Variants in ERFE observed in about 807,000 individuals in gnomAD.
The protein encoded by ERFE is erythroferrone, also known as complement C1q tumor necrosis factor-related protein 15.
A neutral mutation model predicts 26.6 loss-of-function variants in ERFE; 25 were observed. The ratio of observed to expected loss-of-function variants is 0.94; its 90% confidence interval spans 0.69 to 1.31. The LOEUF is 1.31. ERFE is among the 40% of genes most tolerant of loss of function. ERFE has a pLI of 0.00. For missense variants in ERFE, 447 were observed against 440.2 expected, an observed-to-expected ratio of 1.02 and a Z score of -0.14; for synonymous variants, 206 against 204.5, an observed-to-expected ratio of 1.01 and a Z score of -0.06.
rs941282344 is a variant in ERFE, at chr2:238,163,785, G to A, written c.473G>A (p.Gly158Asp). ...ERAEPEPCTC[G>D]PAGPVAASLA... ...GCGGAGCCCGAACCCTGTACGTGTGGCCCCGCCGGGCCGGTCGCTGCGAGC... is the reference window on the plus strand; with the variant it reads ...GCGGAGCCCGAACCCTGTACGTGTGACCCCGCCGGGCCGGTCGCTGCGAGC... The change falls in exon 4 of 8, where the codon GGC (glycine) becomes GAC (aspartate). Residue 158 changes from glycine to aspartate, a missense_variant. Coordinates refer to ENST00000546354, the MANE Select transcript of ERFE (RefSeq NM_001291832.2). 13 of 1,356,144 alleles carry A rather than the reference G, an allele frequency of 9.6e-6. No homozygotes were observed. The highest frequency in any genetic ancestry group is 1.0e-5 in the Non-Finnish European group (11 of 1,058,916). The allele number at this position is 1,356,144 out of a possible 1,614,324, so 84.0% of individuals were successfully genotyped here.
chr2:238,164,880 ACCTTTCCAGGCCACTCCCTG>A, intron 6 of ERFE, among the ~76,000 whole-genome samples: 1 of 151,464 alleles, frequency 6.6e-6, no homozygotes, highest in South Asian at 2.1e-4. Flanking sequence ...ACAAAAAAAA[ACCTTTCCAGGCCACTCCCTG>A]CCCAGACCTT....
Position 238,163,824 on chromosome 2 carries a change from C to T in ERFE, c.512C>T (p.Ser171Leu), listed in dbSNP as rs1692979706. The T allele has an allele frequency of 7.5e-7, 1 of 1,328,066 alleles. No individual in the cohort carries two copies. The highest frequency in any genetic ancestry group is 9.6e-7 in the Non-Finnish European group (1 of 1,045,694). The allele number at this position is 1,328,066 out of a possible 1,614,324, so 82.3% of individuals were successfully genotyped here. ...GTCGCTGCGAGCCTCGCCCCGGTCT[C>T]GGCCACCGCCGGGGAGGACGACGAC... ...GPVAASLAPV[S>L]ATAGEDDDDV... is the part of the protein sequence containing the mutation. Residue 171 changes from serine to leucine, a missense_variant, in exon 4 of 8, where the codon TCG (serine) becomes TTG (leucine). Transcript: ENST00000546354.
chr2:238,166,464 G>A (rs548470487), intron 7 of ERFE, among the ~76,000 whole-genome samples: 21 of 152,316 alleles, frequency 1.4e-4, no homozygotes, highest in African/African-American at 5.1e-4. Flanking sequence ...GGCAGGTCTG[G>A]GTGGATCCCA....
chr2:238,166,631 C>G (rs1693039695), intron 7 of ERFE, among the ~76,000 whole-genome samples: 1 of 152,248 alleles, frequency 6.6e-6, no homozygotes, highest in South Asian at 2.1e-4. Context: ...ACCCTCCCAC[C>G]TGACTTGGAG....
intron 7 of ERFE, 35 bp downstream of exon 7, chr2:238,165,719 G>A (rs564777614): frequency 1.0e-4 from 159 of 1,535,820 alleles, no homozygotes; most frequent in East Asian, 3.0e-4. Context: ...GAGGGGCACC[G>A]CCTGGGCATG....
At chr2:238,162,543 G>A (rs769581167) in intron 2 of ERFE, among the ~76,000 whole-genome samples, 193 bp from the exon 3 acceptor site, 13 of 152,332 alleles carry the variant, frequency 8.5e-5, no homozygotes, top group Non-Finnish European at 1.5e-4. Context: ...GCCCCGCCCC[G>A]AGGGCCCCCA....
At position 238,168,211 on chromosome 2, in the gene ERFE, C is replaced by T; in HGVS notation, c.*1157C>T. The T allele has an allele frequency of 2.8e-6, 1 of 355,206 alleles. No homozygotes were observed. The highest frequency in any genetic ancestry group is 2.2e-5 in the South Asian group (1 of 45,692). 22.0% of individuals were successfully genotyped at this position (355,206 alleles called of 1,614,324 possible). ...GGCAGCTCTCATGAGGACACACAGGCTGTGAGCCCGCAGCCTCCTCAAATG... is the reference window on the plus strand; with the variant it reads ...GGCAGCTCTCATGAGGACACACAGGTTGTGAGCCCGCAGCCTCCTCAAATG... On this transcript the variant is annotated 3_prime_UTR_variant, in exon 8 of 8. Transcript: ENST00000546354.
chr2:238,166,297 A>G (rs938894000), intron 7 of ERFE, among the ~76,000 whole-genome samples: 1 of 152,266 alleles, frequency 6.6e-6, no homozygotes, highest in African/African-American at 2.4e-5. Context: ...AGTTAGCCCA[A>G]GTTCACACAG....
chr2:238,162,274 C>T (rs977463748), intron 2 of ERFE, among the ~76,000 whole-genome samples: 5 of 152,240 alleles, frequency 3.3e-5, no homozygotes, highest in African/African-American at 1.2e-4. Flanking sequence ...GCGCTGTCCT[C>T]GTGGCCTGGC....
chr2:238,166,996 G>T lies in ERFE; in HGVS notation c.1007G>T (p.Gly336Val). The change falls in exon 8 of 8, where the codon GGC becomes GTC. Residue 336 changes from glycine (G) to valine (V), a missense_variant. Gly to Val is a moderately radical substitution (Grantham distance 109, BLOSUM62 -3). Coordinates refer to ENST00000546354, the MANE Select transcript of ERFE (RefSeq NM_001291832.2). ...WTSVFLDNAS[G>V]CSLTVRSGSH... ...TCCGTGTTCTTGGACAACGCCAGCG[G>T]CTGCTCCCTCACAGTGCGCAGTGGC... The T allele has an allele frequency of 2.6e-6, 4 of 1,550,540 alleles. No homozygotes were observed. Among genetic ancestry groups the T allele is most frequent in the East Asian group, 4.9e-5 (2 of 40,920 alleles).
rs1313129153 is a variant in ERFE at position 238,167,078 on chromosome 2, T to C, written c.*24T>C. 7.1e-6 allele frequency: 11 copies of C among 1,544,366 alleles called. No individual in the cohort carries two copies. The South Asian group carries it at 1.3e-4, about 18-fold the overall frequency. On this transcript the variant is annotated 3_prime_UTR_variant, in exon 8 of 8. Transcript: ENST00000546354. ...GAGCGGCCACCACAGGCCCTTCCTC[T>C]CAGGGGCAAATGGAGCACAGATCTA...
chr2:238,161,698 C>T lies in ERFE; in HGVS notation c.303C>T (p.Gly101=), dbSNP rs964190767. The T allele has an allele frequency of 3.9e-6, 6 of 1,546,166 alleles. No individual in the cohort carries two copies. Among genetic ancestry groups the T allele is most frequent in the Non-Finnish European group, 5.2e-6 (6 of 1,143,672 alleles). ...KGVNGKKRSR[G]KAKKLKFGLP... is the part of the protein sequence containing the mutation. ...TCAATGGCAAGAAGAGGAGCAGGGG[C>T]AAGGCCAAGAAGCTGAAGGTGAGGC... Residue 101 remains glycine, a synonymous_variant, in exon 2 of 8, where the codon GGC becomes GGT. Transcript: ENST00000546354.
intron 1 of ERFE, among the ~76,000 whole-genome samples, chr2:238,160,477 G>C (rs895133724): frequency 7.9e-5 from 12 of 152,164 alleles, no homozygotes; most frequent in Admixed American, 5.9e-4. Context: ...GTCCTGGGAG[G>C]GGGTAGAGGG....
Position 238,167,425 on chromosome 2 carries a change from T to G in ERFE, c.*371T>G, listed in dbSNP as rs899836686. On this transcript the variant is annotated 3_prime_UTR_variant, in exon 8 of 8. Transcript: ENST00000546354. ...TGCCCAGCCCCACCTTTTCCACCTC[T>G]CTTCATGTTCTCATGGAGTGCAAAG... 11 of 516,466 alleles carry G rather than the reference T, an allele frequency of 2.1e-5. No individual in the cohort carries two copies. The highest frequency in any genetic ancestry group is 1.5e-4 in the African/African-American group (8 of 52,362). The allele number at this position is 516,466 out of a possible 1,614,324, so 32.0% of individuals were successfully genotyped here.
At position 238,159,039 on chromosome 2, in the gene ERFE, G is replaced by C; in HGVS notation, c.32G>C (p.Arg11Pro). 3.9e-6 allele frequency: 1 copy of C among 259,424 alleles called. No homozygotes were observed. Among genetic ancestry groups the C allele is most frequent in the Non-Finnish European group, 7.2e-6 (1 of 139,332 alleles). 16.1% of individuals were successfully genotyped at this position (259,424 alleles called of 1,614,324 possible). Reference sequence around the variant, plus strand: ...CCGGCCCGCCGCCCCGCCGGAGCCCGCCTGCTGCTCGTCTACGCGGGCCTG... The same window carrying C: ...CCGGCCCGCCGCCCCGCCGGAGCCCCCCTGCTGCTCGTCTACGCGGGCCTG... MAPARRPAGA[R>P]LLLVYAGLLA... The change falls in exon 1 of 8, where the codon CGC becomes CCC. Residue 11 changes from arginine to proline, a missense_variant. By Grantham distance (103) the Arg-to-Pro change is moderately radical. Transcript: ENST00000546354.
At chr2:238,161,567 C>A (rs534959728) in intron 1 of ERFE, 27 bp from the exon 2 acceptor site, 3 of 1,507,690 alleles carry the variant, frequency 2.0e-6, no homozygotes, top group African/African-American at 2.8e-5. Flanking sequence ...TGAGGCCAAC[C>A]GCCCTGCTGG....
chr2:238,164,862 C>A (rs4663852), intron 6 of ERFE: 73,003 of 157,168 alleles, frequency 0.46, 17,322 homozygotes, highest in East Asian at 0.58. Flanking sequence ...AAAAAACAAA[C>A]AACAACAACA....
intron 6 of ERFE, 121 bp downstream of exon 6, chr2:238,164,481 C>T: frequency 2.2e-6 from 2 of 908,412 alleles, no homozygotes; most frequent in South Asian, 1.5e-5. Flanking sequence ...GCCTAGGTGA[C>T]CCCACACCTT....
chr2:238,161,313 G>A (rs1158392517), intron 1 of ERFE, among the ~76,000 whole-genome samples: 1 of 152,196 alleles, frequency 6.6e-6, no homozygotes, highest in Non-Finnish European at 1.5e-5. Flanking sequence ...TCCAAGCCCT[G>A]CACCCCATTT....
Sources: gnomAD v4.1 joint callset for allele counts (sites outside exome capture counted in the v4.1 genomes callset) on GRCh38, gnomAD v4.1.1 for gene constraint, MANE v1.5 for transcripts, NCBI Gene and HGNC (gene_info 2026-07-23, HGNC 2026-07-21) for gene names.